The following ATP1A1 variants were observed in gnomAD, a reference collection of about 807,000 sequenced individuals.
The protein encoded by ATP1A1 is ATPase Na+/K+ transporting subunit alpha 1, also known as sodium/potassium-transporting ATPase subunit alpha-1.
In ATP1A1, 14 loss-of-function variants were observed where a neutral mutation model predicts 114.8. The ratio of observed to expected loss-of-function variants is 0.12; its 90% CI spans 0.08 to 0.19. The LOEUF (loss-of-function observed/expected upper bound fraction) is 0.19. ATP1A1 is among the 10% of genes least tolerant of loss of function. The probability of loss-of-function intolerance (pLI) is 1.00; values close to 1 mark genes in which losing one functional copy is unlikely to be tolerated. For synonymous variants in ATP1A1, 471 were observed against 466.3 expected (o/e 1.01, Z -0.13); for missense variants, 524 against 1,290.7 (o/e 0.41, Z 9.10).
intron 21 of ATP1A1, among the ~76,000 whole-genome samples, chr1:116,402,898 G>C (rs12080268): frequency 0.027 from 4,152 of 152,212 alleles, 194 homozygotes; most frequent in African/African-American, 0.093. Context: ...TTTCTTCTCT[G>C]TGCATCCCCA....
In ATP1A1 at chr1:116,404,586, T is replaced by C. The variant is rs1653820514; in HGVS notation, c.*142T>C. On this transcript the variant is annotated 3_prime_UTR_variant, in exon 23 of 23. Coordinates refer to ENST00000295598, the MANE Select transcript of ATP1A1 (RefSeq NM_000701.8). This position sits in a 1 kb window ranked among gnomAD's most constrained non-coding sequence, Gnocchi z 4.8. ...CAGCATGTGGGGAAGCAAGACGTCC[T>C]GGAATGAAGCATGTAGCTCTATGGG... 1 of 1,373,534 alleles carries C rather than the reference T, an allele frequency of 7.3e-7. No homozygotes were observed. The highest frequency in any genetic ancestry group is 9.4e-7 in the Non-Finnish European group (1 of 1,064,808). The allele number at this position is 1,373,534 out of a possible 1,614,324, so 85.1% of individuals were successfully genotyped here.
Position 116,393,987 on chromosome 1 carries a change from T to C in ATP1A1, c.1660+264T>C, listed in dbSNP as rs925224812. On this transcript the variant is annotated intron_variant, in intron 12 of 22. Coordinates refer to ENST00000295598, the MANE Select transcript of ATP1A1 (RefSeq NM_000701.8). The surrounding 1 kb of genome is among the most constrained non-coding windows in gnomAD (Gnocchi z 5.0). ...ACTTGTACTTAGACCTTTGGTCTCATGCTAGTCAGTTCTGTTTGTTTAAAA... is the reference window on the plus strand; with the variant it reads ...ACTTGTACTTAGACCTTTGGTCTCACGCTAGTCAGTTCTGTTTGTTTAAAA... 4.6e-5 allele frequency among the ~76,000 whole-genome samples: 7 copies of C among 152,154 alleles called. No homozygotes were observed. The highest frequency in any genetic ancestry group is 1.3e-4 in the Admixed American group (2 of 15,286).
Position 116,384,240 on chromosome 1 carries a change from G to C in ATP1A1, c.123+116G>C, listed in dbSNP as rs1006856038. 4.9e-6 allele frequency: 4 copies of C among 816,766 alleles called. No homozygotes were observed. The highest frequency in any genetic ancestry group is 3.1e-4 in the Middle Eastern group (1 of 3,208). The allele number at this position is 816,766 out of a possible 1,614,324, so 50.6% of individuals were successfully genotyped here. A position where few individuals can be genotyped will look rare whatever the true frequency, so the allele number is the denominator to read the frequency against. ...CTATATATTAAAAGAGATCATAGCA[G>C]CTGTACAGATCTCATCTAGTCGTAG... is the stretch of plus-strand genomic sequence containing the variant. On this transcript the variant is annotated intron_variant, in intron 2 of 22. Transcript: ENST00000295598. This position sits in a 1 kb window ranked among gnomAD's most constrained non-coding sequence, Gnocchi z 5.1.
At chr1:116,400,534 G>A (rs1469904914) in intron 18 of ATP1A1, among the ~76,000 whole-genome samples, 4 of 152,176 alleles carry the variant, frequency 2.6e-5, no homozygotes, top group African/African-American at 7.2e-5. Flanking sequence ...GTAGGGAAGT[G>A]GATTTCCCCT....
At chr1:116,394,449 C>T (rs1051020688) in intron 12 of ATP1A1, among the ~76,000 whole-genome samples, 11 of 151,430 alleles carry the variant, frequency 7.3e-5, no homozygotes, top group African/African-American at 2.7e-4. Flanking sequence ...AAGTGTTTTT[C>T]ACTTCCCTAC....
At position 116,401,796 on chromosome 1, in the gene ATP1A1, G is replaced by T; in HGVS notation, c.2951+141G>T. On this transcript the variant is annotated intron_variant, in intron 21 of 22. Coordinates refer to ENST00000295598, the MANE Select transcript of ATP1A1 (RefSeq NM_000701.8). The surrounding 1 kb of genome is among the most constrained non-coding windows in gnomAD (Gnocchi z 4.7). ...TCCTATGGGTTGGAAAACTGTGAAA[G>T]CTTGACATGTCAGTAAATCAGACTA... 1.3e-6 allele frequency: 1 copy of T among 750,500 alleles called. No individual in the cohort carries two copies. The allele number at this position is 750,500 out of a possible 1,614,324, so 46.5% of individuals were successfully genotyped here.
At chr1:116,373,816 C>T (rs1298124805) in intron 1 of ATP1A1, 58 of 1,229,798 alleles carry the variant, frequency 4.7e-5, no homozygotes, top group Admixed American at 1.3e-4. Flanking sequence ...GGGCCGGGGG[C>T]TCCGAGAGGC....
rs1651753799 is a variant in ATP1A1 at position 116,381,718 on chromosome 1, T to A, written c.13-2296T>A. On this transcript the variant is annotated intron_variant, in intron 1 of 22. Transcript: ENST00000295598. This position sits in a 1 kb window ranked among gnomAD's most constrained non-coding sequence, Gnocchi z 5.1. ...CTTTGGAACGTGTTCAAAGCCTAGC[T>A]GCTCTAGTAATCCTCTCTCCTCTTC... 6.6e-6 allele frequency among the ~76,000 whole-genome samples: 1 copy of A among 152,252 alleles called. No individual in the cohort carries two copies. The highest frequency in any genetic ancestry group is 2.1e-4 in the South Asian group (1 of 4,830).
At position 116,389,626 on chromosome 1, in the gene ATP1A1, G is replaced by A. The variant is rs780570894; in HGVS notation, c.942G>A (p.Glu314=). 2 of 1,614,128 alleles carry A rather than the reference G, an allele frequency of 1.2e-6. No individual in the cohort carries two copies. Among genetic ancestry groups the A allele is most frequent in the Admixed American group, 3.3e-5 (2 of 60,026 alleles). The change falls in exon 8 of 23, where the codon GAG becomes GAA. Residue 314 remains glutamate (E), a synonymous_variant. Transcript: ENST00000295598. The surrounding 1 kb of genome is among the most constrained non-coding windows in gnomAD (Gnocchi z 6.9). ...VSFFILSLIL[E]YTWLEAVIFL... ...TCTTCATCCTTTCTCTCATCCTTGAGTACACCTGGCTTGAGGCTGTCATCT... is the reference window on the plus strand; with the variant it reads ...TCTTCATCCTTTCTCTCATCCTTGAATACACCTGGCTTGAGGCTGTCATCT...
Position 116,390,800 on chromosome 1 carries a change from C to A in ATP1A1, c.1241C>A (p.Thr414Asn). Residue 414 changes from threonine to asparagine, a missense_variant, in exon 10 of 23, where the codon ACT becomes AAT. Physicochemically the swap from Thr to Asn is moderately conservative, Grantham distance 65. Around this residue, in one of 8 missense-constraint regions of ATP1A1, gnomAD observed 143 missense variants for 259.3 expected, o/e 0.55. Coordinates refer to ENST00000295598, the MANE Select transcript of ATP1A1 (RefSeq NM_000701.8). The part of the protein sequence containing the change: ...ENQSGVSFDK[T>N]SATWLALSRI... Reference sequence around the variant, plus strand: ...CCATCAGGTGTCTCTTTTGACAAGACTTCAGCTACCTGGCTTGCTCTGTCC... The same window carrying A: ...CCATCAGGTGTCTCTTTTGACAAGAATTCAGCTACCTGGCTTGCTCTGTCC... 6.2e-7 allele frequency: 1 copy of A among 1,614,168 alleles called. No individual in the cohort carries two copies. The highest frequency in any genetic ancestry group is 1.1e-5 in the South Asian group (1 of 91,088).
Position 116,387,437 on chromosome 1 carries a change from T to C in ATP1A1, c.333T>C (p.Cys111=), listed in dbSNP as rs762286068. The change falls in exon 4 of 23, where the codon TGT becomes TGC. Residue 111 remains cysteine (C), a synonymous_variant. Coordinates refer to ENST00000295598, the MANE Select transcript of ATP1A1 (RefSeq NM_000701.8). The surrounding 1 kb of genome is among the most constrained non-coding windows in gnomAD (Gnocchi z 6.7). The part of the protein sequence containing the change: ...SMLLWIGAIL[C]FLAYSIQAAT... The stretch of plus-strand genomic sequence containing the variant: ...TACTGTGGATTGGAGCGATTCTTTG[T>C]TTCTTGGCTTATAGCATCCAAGCTG... The C allele has an allele frequency of 6.2e-7, 1 of 1,614,236 alleles. No homozygotes were observed. Among genetic ancestry groups the C allele is most frequent in the Non-Finnish European group, 8.5e-7 (1 of 1,180,048 alleles).
chr1:116,392,598 C>T (rs777630645), intron 10 of ATP1A1: 1 of 372,510 alleles, frequency 2.7e-6, no homozygotes, highest in Non-Finnish European at 4.8e-6. Flanking sequence ...AAGGTGACAC[C>T]TTCCCACACC....
Position 116,395,037 on chromosome 1 carries a change from T to C in ATP1A1, c.1661-73T>C. 1.4e-6 allele frequency: 2 copies of C among 1,474,926 alleles called. No homozygotes were observed. Among genetic ancestry groups the C allele is most frequent in the Admixed American group, 4.2e-5 (2 of 47,300 alleles). The allele number at this position is 1,474,926 out of a possible 1,614,324, so 91.4% of individuals were successfully genotyped here. On this transcript the variant is annotated intron_variant, in intron 12 of 22. Transcript: ENST00000295598. The surrounding 1 kb of genome is among the most constrained non-coding windows in gnomAD (Gnocchi z 6.4). The stretch of plus-strand genomic sequence containing the variant: ...ACACTCCAGAGAAAGGTAGGCGGGC[T>C]GAATAGGCTGCTGTTGTCCTTCTTA...
rs991135879 is a variant in ATP1A1, at chr1:116,388,226, C to T, written c.483C>T (p.Phe161=). The change falls in exon 5 of 23, where the codon TTC becomes TTT. Residue 161 remains phenylalanine, a synonymous_variant. Coordinates refer to ENST00000295598, the MANE Select transcript of ATP1A1 (RefSeq NM_000701.8). The surrounding 1 kb of genome is among the most constrained non-coding windows in gnomAD (Gnocchi z 5.6). The stretch of plus-strand genomic sequence containing the variant: ...AAAGTTCAAAGATCATGGAATCCTT[C>T]AAAAACATGGTCCCTCAGGTACCAG... ...EAKSSKIMES[F]KNMVPQQALV... is the part of the protein sequence containing the mutation. 2 of 1,613,252 alleles carry T rather than the reference C, an allele frequency of 1.2e-6. No individual in the cohort carries two copies. Among genetic ancestry groups the T allele is most frequent in the Non-Finnish European group, 1.7e-6 (2 of 1,179,228 alleles).
At position 116,397,859 on chromosome 1, in the gene ATP1A1, C is replaced by CTTTT; in HGVS notation, c.1974-17_1974-14dup. ...CACATGCTGGTGATGTGATGCGTGACTTTTTTTTTTTTTTTGTCCTAATTC... is the reference window on the plus strand; with the variant it reads ...CACATGCTGGTGATGTGATGCGTGACTTTTTTTTTTTTTTTTTTTGTCCTAATTC... On this transcript the variant is annotated intron_variant, in intron 14 of 22. Transcript: ENST00000295598. The surrounding 1 kb of genome is among the most constrained non-coding windows in gnomAD (Gnocchi z 4.2). 7 of 1,466,972 alleles carry CTTTT rather than the reference C, an allele frequency of 4.8e-6. No homozygotes were observed. The highest frequency in any genetic ancestry group is 1.3e-5 in the South Asian group (1 of 79,174). 90.9% of individuals were successfully genotyped at this position (1,466,972 alleles called of 1,614,324 possible).
chr1:116,383,835 G>A (rs1297500932), intron 1 of ATP1A1, among the ~76,000 whole-genome samples, 179 bp from the exon 2 acceptor site: 3 of 152,190 alleles, frequency 2.0e-5, no homozygotes, highest in African/African-American at 7.2e-5. Flanking sequence ...TGTATTAATA[G>A]TAGATTGCTT....
At chr1:116,379,583 A>T (rs12129230) in intron 1 of ATP1A1, among the ~76,000 whole-genome samples, 12,799 of 152,192 alleles carry the variant, frequency 0.084, 1,265 homozygotes, top group African/African-American at 0.24. Context: ...CTTGACTGTT[A>T]TTTTCTTTAA....
At chr1:116,378,348 T>C (rs1353198015) in intron 1 of ATP1A1, among the ~76,000 whole-genome samples, 1 of 152,268 alleles carries the variant, frequency 6.6e-6, no homozygotes, top group Non-Finnish European at 1.5e-5. Flanking sequence ...GAAATATATC[T>C]GCACGTGATC....
chr1:116,374,275 C>T, intron 1 of ATP1A1: 1 of 1,551,666 alleles, frequency 6.4e-7, no homozygotes, highest in Non-Finnish European at 8.7e-7. Flanking sequence ...GGCCACTTTC[C>T]GTAAACACAG....
Sources: allele counts gnomAD v4.1 joint callset (sites outside exome capture counted in the v4.1 genomes callset), GRCh38; gene constraint gnomAD v4.1.1; regional missense constraint gnomAD v4.1.1; non-coding constraint Gnocchi (gnomAD v3.1); transcripts MANE v1.5; gene names NCBI Gene and HGNC (gene_info 2026-07-23, HGNC 2026-07-21).